Variants in LHFPL6 observed in about 807,000 individuals in gnomAD.
LHFPL6 encodes the protein LHFPL tetraspan subfamily member 6 protein.
In LHFPL6, 9 loss-of-function variants were observed where a neutral mutation model predicts 20.6. That is an observed-to-expected ratio of 0.44 (90% CI 0.26 to 0.76). The LOEUF (loss-of-function observed/expected upper bound fraction) is 0.76, where lower values mean the gene tolerates loss of function less well. Ranked by LOEUF, LHFPL6 falls within the 30% of genes least tolerant of loss-of-function variation. The pLI is 0.20. For synonymous variants in LHFPL6, 105 were observed against 98.7 expected, an observed-to-expected ratio of 1.06 and a Z score of -0.38; for missense variants, 218 against 253.5, an observed-to-expected ratio of 0.86 and a Z score of 0.95.
At chr13:39,462,975 C>T (rs1417562229) in intron 2 of LHFPL6, among the ~76,000 whole-genome samples, 4 of 152,078 alleles carry the variant, frequency 2.6e-5, no homozygotes, top group East Asian at 1.9e-4. Context: ...AAAAAGGGTG[C>T]CATGAACATG....
At chr13:39,370,944 A>AG (rs1360028405) in intron 3 of LHFPL6, among the ~76,000 whole-genome samples, 1 of 152,150 alleles carries the variant, frequency 6.6e-6, no homozygotes, top group East Asian at 1.9e-4. Context: ...TTGCAAACAG[A>AG]TTTTTCTCAA....
At chr13:39,390,459 T>C (rs7324899) in intron 2 of LHFPL6, among the ~76,000 whole-genome samples, 107,576 of 151,996 alleles carry the variant, frequency 0.71, 38,322 homozygotes, top group Admixed American at 0.78. Context: ...GACTGCACCA[T>C]TGCACTCCAG....
intron 2 of LHFPL6, among the ~76,000 whole-genome samples, chr13:39,408,987 T>C (rs1490883790): frequency 6.6e-6 from 1 of 152,234 alleles, no homozygotes; most frequent in Non-Finnish European, 1.5e-5. Flanking sequence ...TAGTGGTCCA[T>C]TTGTGCAGGA....
chr13:39,399,873 C>T (rs1036666079), intron 2 of LHFPL6, among the ~76,000 whole-genome samples: 2 of 152,156 alleles, frequency 1.3e-5, no homozygotes, highest in African/African-American at 2.4e-5. Context: ...GCAGGTGGAT[C>T]ACCTGAGGTT....
At chr13:39,528,923 G>C (rs573131048) in intron 2 of LHFPL6, among the ~76,000 whole-genome samples, 2 of 152,176 alleles carry the variant, frequency 1.3e-5, no homozygotes, top group South Asian at 4.2e-4. Flanking sequence ...CTTGATTTTC[G>C]AAGAATTACT....
intron 3 of LHFPL6, among the ~76,000 whole-genome samples, chr13:39,369,071 G>A (rs2138351625): frequency 7.1e-6 from 1 of 141,646 alleles, no homozygotes; most frequent in Non-Finnish European, 1.5e-5. Context: ...ACTCAGGTAC[G>A]TCTTTTTTTT....
chr13:39,540,546 T>C (rs941078511), intron 2 of LHFPL6, among the ~76,000 whole-genome samples: 1 of 152,176 alleles, frequency 6.6e-6, no homozygotes, highest in African/African-American at 2.4e-5. Flanking sequence ...TCCTCTAACA[T>C]AGCAGAAAGG....
At chr13:39,542,791 C>G (rs7334762) in intron 2 of LHFPL6, among the ~76,000 whole-genome samples, 7,280 of 152,268 alleles carry the variant, frequency 0.048, 393 homozygotes, top group African/African-American at 0.13. Context: ...CCGTTATGTG[C>G]TAAGTCGCAT....
At chr13:39,423,372 G>A (rs1479605816) in intron 2 of LHFPL6, among the ~76,000 whole-genome samples, 1 of 151,920 alleles carries the variant, frequency 6.6e-6, no homozygotes, top group African/African-American at 2.4e-5. Flanking sequence ...AGGATGTTTC[G>A]CAATGCACAA....
intron 3 of LHFPL6, among the ~76,000 whole-genome samples, chr13:39,370,102 G>A (rs1445800622): frequency 2.0e-5 from 3 of 152,214 alleles, no homozygotes; most frequent in African/African-American, 4.8e-5. Flanking sequence ...CTGATGGAAA[G>A]AGGCCCCTAA....
chr13:39,369,321 T>TGAAATAACCAAGCC (rs1346632586), intron 3 of LHFPL6, among the ~76,000 whole-genome samples: 3 of 152,086 alleles, frequency 2.0e-5, no homozygotes, highest in South Asian at 2.1e-4. Context: ...TGATCCACAC[T>TGAAATAACCAAGCC]GAAATAACCA....
chr13:39,373,363 G>T (rs780406212), intron 3 of LHFPL6, among the ~76,000 whole-genome samples: 17 of 152,136 alleles, frequency 1.1e-4, no homozygotes, highest in Non-Finnish European at 1.8e-4. Context: ...AGGAATGTGT[G>T]GCCTCTCCCT....
At chr13:39,512,794 T>G (rs1308037417) in intron 2 of LHFPL6, among the ~76,000 whole-genome samples, 1 of 152,208 alleles carries the variant, frequency 6.6e-6, no homozygotes, top group Admixed American at 6.5e-5. Context: ...CTGGCATGCT[T>G]GGAATCTGGG....
At chr13:39,364,215 G>A (rs562018217) in intron 3 of LHFPL6, among the ~76,000 whole-genome samples, 1 of 152,322 alleles carries the variant, frequency 6.6e-6, no homozygotes, top group East Asian at 1.9e-4. Context: ...CAGAGAAACC[G>A]GCCCTGGAAG....
At chr13:39,531,095 C>T (rs1405068366) in intron 2 of LHFPL6, among the ~76,000 whole-genome samples, 2 of 152,216 alleles carry the variant, frequency 1.3e-5, no homozygotes, top group East Asian at 1.9e-4. Context: ...CAAGTTAACT[C>T]ATGCCAAGGT....
intron 2 of LHFPL6, among the ~76,000 whole-genome samples, chr13:39,538,160 T>A (rs2138501297): frequency 6.6e-6 from 1 of 151,822 alleles, no homozygotes; most frequent in Admixed American, 6.6e-5. Flanking sequence ...TGGCTAATTT[T>A]TGTATTTTTA....
chr13:39,511,006 G>A (rs58636846), intron 2 of LHFPL6, among the ~76,000 whole-genome samples: 19,380 of 151,914 alleles, frequency 0.13, 1,786 homozygotes, highest in African/African-American at 0.26. Context: ...CCGAGTAGGT[G>A]AAATTACAGG....
intron 2 of LHFPL6, among the ~76,000 whole-genome samples, chr13:39,542,104 T>TAATAAC (rs1870824532): frequency 7.2e-6 from 1 of 138,094 alleles, no homozygotes; most frequent in Admixed American, 7.1e-5. Flanking sequence ...AATATAATAA[T>TAATAAC]AATAATAATA....
chr13:39,501,180 G>A (rs1869282003), intron 2 of LHFPL6, among the ~76,000 whole-genome samples: 1 of 152,176 alleles, frequency 6.6e-6, no homozygotes. Flanking sequence ...TATATTTGCT[G>A]TTAGCAACAG....
Sources: gnomAD v4.1 joint callset for allele counts (sites outside exome capture counted in the v4.1 genomes callset) on GRCh38, gnomAD v4.1.1 for gene constraint, MANE v1.5 for transcripts, NCBI Gene and HGNC (gene_info 2026-07-23, HGNC 2026-07-21) for gene names.